CTNNA2: variants seen among roughly 807,000 people sequenced by gnomAD.
CTNNA2 encodes the protein catenin alpha 2.
A neutral mutation model predicts 101.0 loss-of-function variants in CTNNA2; 42 were observed. The ratio of observed to expected loss-of-function variants is 0.42; its 90% CI spans 0.32 to 0.54. CTNNA2 has a LOEUF of 0.54. Ranked by LOEUF, CTNNA2 falls within the 20% of genes least tolerant of loss-of-function variation. The pLI is 0.14. For synonymous variants in CTNNA2, 450 were observed against 456.4 expected, an observed-to-expected ratio of 0.99 and a Z score of 0.18; for missense variants, 871 against 1,223.1, an observed-to-expected ratio of 0.71 and a Z score of 4.29.
chr2:80,587,725 T>A (rs1486737140), intron 14 of CTNNA2, among the ~76,000 whole-genome samples: 1 of 152,212 alleles, frequency 6.6e-6, no homozygotes, highest in Non-Finnish European at 1.5e-5. Flanking sequence ...GTTATTTTAC[T>A]TGTTCATTGC....
At chr2:80,134,462 T>C (rs1229031946) in intron 7 of CTNNA2, among the ~76,000 whole-genome samples, 3 of 152,142 alleles carry the variant, frequency 2.0e-5, no homozygotes, top group African/African-American at 7.2e-5. Flanking sequence ...CTTGTAAACC[T>C]TCCAGGGGGG....
chr2:80,152,127 G>GTA (rs1201264284), intron 7 of CTNNA2, among the ~76,000 whole-genome samples: 1 of 152,168 alleles, frequency 6.6e-6, no homozygotes, highest in Non-Finnish European at 1.5e-5. Flanking sequence ...ACTGGGATAT[G>GTA]TATATATATT....
intron 3 of CTNNA2, among the ~76,000 whole-genome samples, chr2:79,327,916 C>A (rs1160719891): frequency 6.6e-6 from 1 of 152,040 alleles, no homozygotes; most frequent in Non-Finnish European, 1.5e-5. Context: ...GACTAGTAGG[C>A]AAAGGTAGGG....
At chr2:80,162,497 T>C in intron 7 of CTNNA2, 9 of 1,603,096 alleles carry the variant, frequency 5.6e-6, no homozygotes, top group Non-Finnish European at 7.7e-6. Context: ...GTCTCTTCTG[T>C]TATCATAGTC....
intron 3 of CTNNA2, among the ~76,000 whole-genome samples, chr2:79,330,832 A>G (rs947149535): frequency 9.2e-5 from 14 of 152,126 alleles, no homozygotes; most frequent in African/African-American, 3.4e-4. Flanking sequence ...GTGGAACTGT[A>G]AGTCAATTAA....
At chr2:79,686,850 G>T (rs1683965298) in intron 2 of CTNNA2, among the ~76,000 whole-genome samples, 1 of 151,998 alleles carries the variant, frequency 6.6e-6, no homozygotes, top group East Asian at 1.9e-4. Context: ...AGTGAGAGAG[G>T]CCTGAGAGAT....
At chr2:80,546,333 A>AG (rs1692056856) in intron 11 of CTNNA2, among the ~76,000 whole-genome samples, 1 of 152,232 alleles carries the variant, frequency 6.6e-6, no homozygotes, top group South Asian at 2.1e-4. Context: ...TTTATAAAGC[A>AG]GGATGGCCTT....
chr2:80,508,413 A>G (rs1278642423), intron 9 of CTNNA2, among the ~76,000 whole-genome samples: 1 of 152,178 alleles, frequency 6.6e-6, no homozygotes. Context: ...TGAACCCAGG[A>G]GGTAGAGGTT....
chr2:79,990,448 G>T (rs117297802), intron 7 of CTNNA2, among the ~76,000 whole-genome samples: 1 of 152,062 alleles, frequency 6.6e-6, no homozygotes, highest in Non-Finnish European at 1.5e-5. Context: ...ACTGATACAC[G>T]GTGGCTAAGA....
At chr2:79,281,505 A>G (rs1675382953) in intron 2 of CTNNA2, 3 of 152,232 alleles carry the variant, frequency 2.0e-5, no homozygotes, top group Admixed American at 2.0e-4. Context: ...GTGGAAATCA[A>G]ATAAAGCAAC....
intron 2 of CTNNA2, among the ~76,000 whole-genome samples, chr2:79,654,121 A>G (rs1054884687): frequency 2.6e-5 from 4 of 152,146 alleles, no homozygotes; most frequent in African/African-American, 4.8e-5. Flanking sequence ...TTTATTTTTA[A>G]TAACAGTCTG....
intron 7 of CTNNA2, among the ~76,000 whole-genome samples, chr2:80,191,689 CATT>C (rs1434895996): frequency 2.0e-5 from 3 of 150,060 alleles, no homozygotes; most frequent in Admixed American, 2.0e-4. Context: ...TAACAAAAAA[CATT>C]ATTTGAGAAG....
chr2:80,269,836 CTG>C (rs1399572531), intron 7 of CTNNA2, among the ~76,000 whole-genome samples: 1 of 152,058 alleles, frequency 6.6e-6, no homozygotes, highest in East Asian at 1.9e-4. Flanking sequence ...AACTAAATAA[CTG>C]TGTTATTTAT....
chr2:79,680,527 T>G (rs6724630), intron 2 of CTNNA2, among the ~76,000 whole-genome samples: 3,644 of 152,280 alleles, frequency 0.024, 142 homozygotes, highest in African/African-American at 0.083. Context: ...TTTCCTTGAA[T>G]GTACCACACT....
chr2:79,422,942 C>T (rs556202031), intron 4 of CTNNA2, among the ~76,000 whole-genome samples: 91 of 152,082 alleles, frequency 6.0e-4, no homozygotes, highest in Non-Finnish European at 1.1e-3. Context: ...GTATTTTATG[C>T]TTATGTTCTC....
chr2:79,784,326 G>A (rs982732976), intron 3 of CTNNA2, among the ~76,000 whole-genome samples: 3 of 151,732 alleles, frequency 2.0e-5, no homozygotes, highest in Non-Finnish European at 1.5e-5. Context: ...GTTCCCCTGG[G>A]CACAGTTATG....
intron 2 of CTNNA2, among the ~76,000 whole-genome samples, chr2:79,218,880 C>T (rs1238643183): frequency 4.6e-5 from 7 of 152,196 alleles, no homozygotes; most frequent in Non-Finnish European, 1.0e-4. Context: ...TTGATTGATA[C>T]TTGTTTTCTA....
At chr2:80,113,367 C>T (rs931119966) in intron 7 of CTNNA2, among the ~76,000 whole-genome samples, 1 of 152,122 alleles carries the variant, frequency 6.6e-6, no homozygotes, top group Non-Finnish European at 1.5e-5. Flanking sequence ...GCAGTACAGG[C>T]GTACACAAGT....
At chr2:80,010,213 T>C (rs1345108241) in intron 7 of CTNNA2, among the ~76,000 whole-genome samples, 1 of 152,168 alleles carries the variant, frequency 6.6e-6, no homozygotes, top group African/African-American at 2.4e-5. Context: ...CTAATTTGAG[T>C]GTCACTTGCA....
Sources: allele counts gnomAD v4.1 joint callset (sites outside exome capture counted in the v4.1 genomes callset), GRCh38; gene constraint gnomAD v4.1.1; transcripts MANE v1.5; gene names NCBI Gene and HGNC (gene_info 2026-07-23, HGNC 2026-07-21).